COL14A1: variants seen among roughly 807,000 people sequenced by gnomAD.
COL14A1 encodes the protein collagen alpha-1(XIV) chain.
Under a neutral mutation model 230.3 loss-of-function variants are expected in COL14A1, and 136 were observed. The ratio of observed to expected loss-of-function variants is 0.59; its 90% CI spans 0.51 to 0.68. The LOEUF (loss-of-function observed/expected upper bound fraction) is 0.68. COL14A1 is among the 30% of genes least tolerant of loss of function. The pLI, the probability that COL14A1 is intolerant of heterozygous loss-of-function variation, is 0.00. For synonymous variants in COL14A1, 792 were observed against 784.1 expected (o/e 1.01, Z -0.17); for missense variants, 1,976 against 2,215.8 (o/e 0.89, Z 2.17).
Position 120,315,986 on chromosome 8 carries a change from C to T in COL14A1, c.4648C>T (p.Pro1550Ser), listed in dbSNP as rs755647922. The change falls in exon 40 of 48, where the codon CCA (proline) becomes TCA (serine). Residue 1550 changes from proline (P) to serine (S), a missense_variant. Physicochemically the swap from Pro to Ser is moderately conservative, Grantham distance 74. Transcript: ENST00000297848. ...TGGTTCACCAGGACGTGATGGCTCA[C>T]CAGGCCAGAGGGTAAGGTCTTGCCC... Reference protein sequence around the residue: ...GVGSPGRDGSPGQRGLPGKDG... With the variant: ...GVGSPGRDGSSGQRGLPGKDG... 1.2e-6 allele frequency: 2 copies of T among 1,614,046 alleles called. No individual in the cohort carries two copies. Among genetic ancestry groups the T allele is most frequent in the Admixed American group, 3.3e-5 (2 of 59,996 alleles).
At chr8:120,230,396 C>T (rs962336751) in intron 18 of COL14A1, among the ~76,000 whole-genome samples, 3 of 152,134 alleles carry the variant, frequency 2.0e-5, no homozygotes, top group African/African-American at 7.2e-5. Context: ...TTCAATGGCT[C>T]TCCATTACCC....
At chr8:120,262,548 T>C (rs1255081003) in intron 23 of COL14A1, among the ~76,000 whole-genome samples, 1 of 152,194 alleles carries the variant, frequency 6.6e-6, no homozygotes, top group African/African-American at 2.4e-5. Flanking sequence ...CATCTGCATC[T>C]GTCCAAAAGA....
chr8:120,190,109 A>G (rs2130678070), intron 5 of COL14A1, among the ~76,000 whole-genome samples: 2 of 151,544 alleles, frequency 1.3e-5, no homozygotes, highest in East Asian at 2.0e-4. Context: ...CAACAGTGTA[A>G]AAGTGTTCCT....
chr8:120,281,255 A>C (rs1277745729), intron 31 of COL14A1, among the ~76,000 whole-genome samples, 196 bp downstream of exon 31: 1 of 152,116 alleles, frequency 6.6e-6, no homozygotes, highest in African/African-American at 2.4e-5. Context: ...ACATCTGCTG[A>C]TCTGAGACAA....
At chr8:120,276,151 T>C (rs1267363853) in intron 26 of COL14A1, among the ~76,000 whole-genome samples, 1 of 150,930 alleles carries the variant, frequency 6.6e-6, no homozygotes, top group African/African-American at 2.4e-5. Context: ...ATATATATTT[T>C]ACACAAACAC....
At chr8:120,314,063 G>A in intron 38 of COL14A1, 36 bp downstream of exon 38, 1 of 1,423,902 alleles carries the variant, frequency 7.0e-7, no homozygotes, top group Non-Finnish European at 9.7e-7. Context: ...GGGTTTTATT[G>A]TTATCTCTTT....
intron 45 of COL14A1, among the ~76,000 whole-genome samples, chr8:120,356,460 C>A (rs899496034): frequency 6.6e-6 from 1 of 152,172 alleles, no homozygotes; most frequent in Non-Finnish European, 1.5e-5. Context: ...CTCTGAAACT[C>A]CATTCATTCA....
At chr8:120,318,567 T>C (rs1053721691) in intron 40 of COL14A1, among the ~76,000 whole-genome samples, 1 of 152,124 alleles carries the variant, frequency 6.6e-6, no homozygotes, top group African/African-American at 2.4e-5. Context: ...ACAATTTTCA[T>C]GGTGGGAGAC....
chr8:120,251,573 A>G (rs1033005934), intron 22 of COL14A1, among the ~76,000 whole-genome samples: 1 of 152,140 alleles, frequency 6.6e-6, no homozygotes, highest in Non-Finnish European at 1.5e-5. Context: ...CAATAATGCA[A>G]TGTTTTCCAA....
intron 1 of COL14A1, among the ~76,000 whole-genome samples, chr8:120,134,646 G>T (rs531330118): frequency 6.6e-6 from 1 of 152,122 alleles, no homozygotes; most frequent in Non-Finnish European, 1.5e-5. Context: ...TGGAAAAAGA[G>T]CCACATATTA....
chr8:120,321,458 G>A (rs1821439246), intron 40 of COL14A1, among the ~76,000 whole-genome samples: 1 of 151,900 alleles, frequency 6.6e-6, no homozygotes, highest in African/African-American at 2.4e-5. Flanking sequence ...GGCCAACATG[G>A]TGATACCCCG....
chr8:120,186,448 A>G (rs1314408797), intron 5 of COL14A1, among the ~76,000 whole-genome samples: 1 of 152,244 alleles, frequency 6.6e-6, no homozygotes, highest in Non-Finnish European at 1.5e-5. Context: ...CTAGTGGCAT[A>G]GAACAAAATA....
At chr8:120,219,006 A>C (rs980266117) in intron 14 of COL14A1, among the ~76,000 whole-genome samples, 56 of 151,608 alleles carry the variant, frequency 3.7e-4, no homozygotes, top group South Asian at 1.0e-3. Flanking sequence ...AAAACAAAAA[A>C]CAAATTTTCT....
intron 45 of COL14A1, among the ~76,000 whole-genome samples, chr8:120,356,369 A>G (rs1822984975): frequency 6.6e-6 from 1 of 152,232 alleles, no homozygotes; most frequent in Non-Finnish European, 1.5e-5. Flanking sequence ...CCAGATATGT[A>G]TGATTCCAGA....
At chr8:120,249,316 C>G (rs559064492) in intron 21 of COL14A1, among the ~76,000 whole-genome samples, 1 of 151,926 alleles carries the variant, frequency 6.6e-6, no homozygotes, top group South Asian at 2.1e-4. Flanking sequence ...TCTTCAGGCC[C>G]GTAAGACTCA....
In COL14A1 at chr8:120,178,303, A is replaced by G. The variant is rs145606463; in HGVS notation, c.436+10056A>G. Among the ~76,000 whole-genome samples the G allele has an allele frequency of 1.2e-4, 19 of 152,154 alleles. No individual in the cohort carries two copies. In the East Asian group the frequency reaches 3.5e-3, roughly 28 times the overall value. ...CATGTGTTCTCATTGTTCAACTCCC[A>G]CTTATGAGTGAGAACATGCAGTATG... On this transcript the variant is annotated intron_variant, in intron 5 of 47. Transcript: ENST00000297848.
chr8:120,362,355 A>G (rs1317224677), intron 45 of COL14A1, among the ~76,000 whole-genome samples: 3 of 152,212 alleles, frequency 2.0e-5, no homozygotes, highest in Non-Finnish European at 4.4e-5. Context: ...TAGTGAGATA[A>G]TTTATAGGCA....
chr8:120,255,546 C>T (rs934459694), intron 23 of COL14A1, among the ~76,000 whole-genome samples, 190 bp downstream of exon 23: 1 of 152,266 alleles, frequency 6.6e-6, no homozygotes, highest in Non-Finnish European at 1.5e-5. Context: ...CTCTGGAAAC[C>T]TCCCTTTTTC....
chr8:120,359,725 C>A (rs183346031), intron 45 of COL14A1, among the ~76,000 whole-genome samples: 1 of 152,106 alleles, frequency 6.6e-6, no homozygotes, highest in Non-Finnish European at 1.5e-5. Context: ...ATAGTGTCAG[C>A]GGCAAAACTG....
Sources: gnomAD v4.1 joint callset for allele counts (sites outside exome capture counted in the v4.1 genomes callset) on GRCh38, gnomAD v4.1.1 for gene constraint, MANE v1.5 for transcripts, NCBI Gene and HGNC (gene_info 2026-07-23, HGNC 2026-07-21) for gene names.